The following ARHGAP22 variants were observed in gnomAD, a reference collection of about 807,000 sequenced individuals.
ARHGAP22 encodes the protein rho GTPase-activating protein 22.
A neutral mutation model predicts 59.1 loss-of-function variants in ARHGAP22; 48 were observed. The observed-to-expected ratio is 0.81, with a 90% confidence interval of 0.64 to 1.03. ARHGAP22 has a LOEUF of 1.03. ARHGAP22 is among the 50% of genes least tolerant of loss of function. ARHGAP22 has a pLI of 0.00. For missense variants in ARHGAP22, 1,015 were observed against 958.7 expected (o/e 1.06, Z -0.78); for synonymous variants, 445 against 416.4 (o/e 1.07, Z -0.84).
At chr10:48,650,808 AT>A (rs2062528969) in intron 1 of ARHGAP22, among the ~76,000 whole-genome samples, 1 of 152,224 alleles carries the variant, frequency 6.6e-6, no homozygotes, top group South Asian at 2.1e-4. Flanking sequence ...GATATTAGGT[AT>A]TAGGCTTGAA....
chr10:48,540,100 A>G (rs2055785532), intron 3 of ARHGAP22, among the ~76,000 whole-genome samples: 1 of 152,196 alleles, frequency 6.6e-6, no homozygotes, highest in Admixed American at 6.5e-5. Flanking sequence ...ACCCTTAACC[A>G]TGACCCCACA....
At chr10:48,527,244 G>T (rs2054407219) in intron 3 of ARHGAP22, among the ~76,000 whole-genome samples, 1 of 152,086 alleles carries the variant, frequency 6.6e-6, no homozygotes, top group South Asian at 2.1e-4. Context: ...TGGATGGATG[G>T]GTGGAAGGAT....
At chr10:48,548,148 AC>A (rs1361291366) in intron 3 of ARHGAP22, among the ~76,000 whole-genome samples, 6 of 152,058 alleles carry the variant, frequency 3.9e-5, no homozygotes, top group African/African-American at 1.2e-4. Context: ...GCGAGATTCA[AC>A]CTTCCCAGCA....
the ARHGAP22 span, chr10:48,437,386 TTCTA>T: frequency 6.6e-6 from 1 of 152,212 alleles, no homozygotes; most frequent in Non-Finnish European, 1.5e-5. Context: ...CAAATAACAT[TTCTA>T]TCAGGTAGTA....
rs551606567 is a variant in ARHGAP22, at chr10:48,454,262, C to T, written c.793-101G>A. ...GCAAAGAGAAGGGAGGTGGGGGCTA[C>T]GGCAGCCCAGCCCCAACAGACCAGA... On this transcript the variant is annotated intron_variant, in intron 6 of 9. Coordinates refer to ENST00000249601, the MANE Select transcript of ARHGAP22 (RefSeq NM_021226.4). The T allele has an allele frequency of 9.6e-5, 105 of 1,094,148 alleles. No individual in the cohort carries two copies. In the East Asian group the frequency reaches 1.6e-3, roughly 16 times the overall value. The allele number at this position is 1,094,148 out of a possible 1,614,324, so 67.8% of individuals were successfully genotyped here.
At chr10:48,621,152 T>C (rs1415367613) in intron 1 of ARHGAP22, among the ~76,000 whole-genome samples, 1 of 152,270 alleles carries the variant, frequency 6.6e-6, no homozygotes, top group Non-Finnish European at 1.5e-5. Context: ...TTTCATTGTA[T>C]ATGAAAGTAC....
intron 2 of ARHGAP22, among the ~76,000 whole-genome samples, chr10:48,572,644 C>T (rs1280388671): frequency 6.6e-6 from 1 of 152,196 alleles, no homozygotes; most frequent in East Asian, 1.9e-4. Flanking sequence ...TCCTGTAACC[C>T]TACTTAGCTA....
At chr10:48,437,956 C>CA in the ARHGAP22 span, 1 of 152,250 alleles carries the variant, frequency 6.6e-6, no homozygotes, top group Non-Finnish European at 1.5e-5. Context: ...GTGAAATCAT[C>CA]AGCAGGAAAG....
At position 48,577,800 on chromosome 10, in the gene ARHGAP22, G is replaced by GTTTTTTTTT. The variant is rs2058824590; in HGVS notation, c.234+5152_234+5153insAAAAAAAAA. 7.1e-5 allele frequency among the ~76,000 whole-genome samples: 3 copies of GTTTTTTTTT among 41,962 alleles called. 1 individual carries two copies. The highest frequency in any genetic ancestry group is 3.8e-4 in the African/African-American group (3 of 7,862). The allele number at this position is 41,962 out of a possible 152,430, so 27.5% of individuals were successfully genotyped here. On this transcript the variant is annotated intron_variant, in intron 2 of 9. Transcript: ENST00000249601. ...ATCTGAGATCTAACTGCTCTTTTTT[G>GTTTTTTTTT]GTTTTTTTTTTTTTTTTTTTTTTTT...
At chr10:48,557,060 C>T (rs990332965) in intron 2 of ARHGAP22, among the ~76,000 whole-genome samples, 4 of 152,220 alleles carry the variant, frequency 2.6e-5, no homozygotes, top group Admixed American at 2.0e-4. Context: ...CCCGCAGATG[C>T]TTGCTTTAGA....
chr10:48,585,206 A>G (rs1588976662), intron 1 of ARHGAP22, among the ~76,000 whole-genome samples: 1 of 152,160 alleles, frequency 6.6e-6, no homozygotes, highest in East Asian at 1.9e-4. Flanking sequence ...TCAAGTAGCC[A>G]TATGTTTCAA....
chr10:48,524,054 T>G (rs2054087132), intron 3 of ARHGAP22: 1 of 1,477,342 alleles, frequency 6.8e-7, no homozygotes, highest in Non-Finnish European at 9.0e-7. Context: ...CGGAGTTACC[T>G]TTGGGCGCTC....
At chr10:48,547,308 A>G (rs1471258113) in intron 3 of ARHGAP22, among the ~76,000 whole-genome samples, 1 of 152,166 alleles carries the variant, frequency 6.6e-6, no homozygotes, top group Non-Finnish European at 1.5e-5. Context: ...TGCTACTACC[A>G]TGGTCTCTGA....
At chr10:48,652,494 A>G (rs980824287) in exon 1 of ARHGAP22, 7 of 589,572 alleles carry the variant, frequency 1.2e-5, no homozygotes, top group African/African-American at 1.9e-5. Context: ...ATTAAGCGTA[A>G]GTGCATCTAG....
intron 2 of ARHGAP22, among the ~76,000 whole-genome samples, chr10:48,578,256 T>C (rs1191493080): frequency 1.3e-5 from 2 of 152,184 alleles, no homozygotes; most frequent in Admixed American, 6.5e-5. Flanking sequence ...CATGCTCTCC[T>C]TTGTGCTGGT....
chr10:48,578,524 ATGTGTG>A (rs3076347), intron 2 of ARHGAP22, among the ~76,000 whole-genome samples: 1,951 of 150,158 alleles, frequency 0.013, 41 homozygotes, highest in African/African-American at 0.045. Context: ...TATGCAGTGT[ATGTGTG>A]TGTGTGTGTG....
intron 2 of ARHGAP22, among the ~76,000 whole-genome samples, chr10:48,571,488 G>A (rs1404294283): frequency 6.6e-6 from 1 of 152,184 alleles, no homozygotes; most frequent in East Asian, 1.9e-4. Flanking sequence ...GACCTGGTCT[G>A]ACCATGGAAA....
In ARHGAP22 at chr10:48,463,150, T is replaced by C. The variant is rs1373450737; in HGVS notation, c.452-3259A>G. On this transcript the variant is annotated intron_variant, in intron 4 of 9. Coordinates refer to ENST00000249601, the MANE Select transcript of ARHGAP22 (RefSeq NM_021226.4). ...GCCTGAGTTCCAAAAAAAGCAACAA[T>C]TGCAGAGCTCAGTAGCATCTGTGCC... Among the ~76,000 whole-genome samples, 4 of 152,172 alleles carry C rather than the reference T, an allele frequency of 2.6e-5. No individual in the cohort carries two copies. In the East Asian group the frequency reaches 7.7e-4, roughly 29 times the overall value.
At chr10:48,619,017 T>G (rs2061190183) in intron 1 of ARHGAP22, among the ~76,000 whole-genome samples, 1 of 151,798 alleles carries the variant, frequency 6.6e-6, no homozygotes. Flanking sequence ...AGATACAAAA[T>G]CAGCATACAA....
Sources: allele counts gnomAD v4.1 joint callset (sites outside exome capture counted in the v4.1 genomes callset), GRCh38; gene constraint gnomAD v4.1.1; transcripts MANE v1.5; gene names NCBI Gene and HGNC (gene_info 2026-07-23, HGNC 2026-07-21).